LRCH3: variants seen among roughly 807,000 people sequenced by gnomAD.
LRCH3 encodes the protein DISP complex protein LRCH3.
In LRCH3, 68 loss-of-function variants were observed where a neutral mutation model predicts 104.5. The observed-to-expected ratio is 0.65, with a 90% CI of 0.54 to 0.80. The LOEUF is 0.80. Ranked by LOEUF, LRCH3 falls within the 30% of genes least tolerant of loss-of-function variation. The probability of loss-of-function intolerance (pLI) is 0.00; values close to 1 mark genes in which losing one functional copy is unlikely to be tolerated. For missense variants in LRCH3, 951 were observed against 953.9 expected, an observed-to-expected ratio of 1.00 and a Z score of 0.04; for synonymous variants, 344 against 361.3, an observed-to-expected ratio of 0.95 and a Z score of 0.54.
chr3:197,870,373 TA>T, intron 18 of LRCH3, 95 bp downstream of exon 18: 1 of 1,269,106 alleles, frequency 7.9e-7, no homozygotes, highest in Non-Finnish European at 1.1e-6. Context: ...CATTTTTATT[TA>T]TTTTTTTTTT....
intron 12 of LRCH3, among the ~76,000 whole-genome samples, chr3:197,851,230 A>C (rs1739552250): frequency 6.6e-6 from 1 of 152,230 alleles, no homozygotes; most frequent in Admixed American, 6.5e-5. Context: ...CCTTCCGTAG[A>C]AGTCACACAG....
In LRCH3 at chr3:197,881,350, A is replaced by C. The variant is rs1713750753; in HGVS notation, c.2209-2191A>C. The C allele has an allele frequency of 1.6e-5, 16 of 988,444 alleles. No homozygotes were observed. In the South Asian group the frequency reaches 5.6e-4, roughly 34 times the overall value. The allele number at this position is 988,444 out of a possible 1,614,324, so 61.2% of individuals were successfully genotyped here. A position where few individuals can be genotyped will look rare whatever the true frequency, so the allele number is the denominator to read the frequency against. On this transcript the variant is annotated intron_variant, in intron 20 of 20. Transcript: ENST00000425562. ...TAGTTTGGTCAGAATGTTCAGTTTG[A>C]AGATCACCCACATTCCCTAGACTGC...
intron 10 of LRCH3, among the ~76,000 whole-genome samples, chr3:197,845,774 G>C (rs57292521): frequency 0.16 from 23,565 of 152,002 alleles, 2,302 homozygotes; most frequent in African/African-American, 0.27. Flanking sequence ...GTGTGGTGGC[G>C]CATGCCTGTA....
At position 197,814,962 on chromosome 3, in the gene LRCH3, C is replaced by G. The variant is rs763961579; in HGVS notation, c.317C>G (p.Ser106Cys). ...EIPIEACHFV[S>C]LENLNLYQNC... is the part of the protein sequence containing the mutation. Reference sequence around the variant, plus strand: ...CCTATAGAAGCATGTCACTTTGTTTCTCTGGAAAATCTCAACTTGTACCAA... The same window carrying G: ...CCTATAGAAGCATGTCACTTTGTTTGTCTGGAAAATCTCAACTTGTACCAA... The change falls in exon 2 of 21, where the codon TCT becomes TGT. Residue 106 changes from serine to cysteine, a missense_variant. Transcript: ENST00000425562. The G allele has an allele frequency of 1.9e-6, 3 of 1,601,504 alleles. No homozygotes were observed. Among genetic ancestry groups the G allele is most frequent in the Non-Finnish European group, 2.6e-6 (3 of 1,175,048 alleles).
chr3:197,797,526 A>C (rs1731358948), intron 1 of LRCH3, among the ~76,000 whole-genome samples: 2 of 151,992 alleles, frequency 1.3e-5, no homozygotes, highest in Non-Finnish European at 2.9e-5. Context: ...ACAGAAACAG[A>C]AAAAAGATTC....
chr3:197,858,705 C>A, intron 14 of LRCH3, 129 bp from the exon 15 acceptor site: 1 of 781,032 alleles, frequency 1.3e-6, no homozygotes, highest in Non-Finnish European at 2.3e-6. Flanking sequence ...CTGTCAGTAG[C>A]TTAGTAAACC....
At chr3:197,793,205 G>A (rs1354633492) in intron 1 of LRCH3, among the ~76,000 whole-genome samples, 1 of 152,158 alleles carries the variant, frequency 6.6e-6, no homozygotes, top group Admixed American at 6.5e-5. Context: ...AAAATAAACA[G>A]AACTGTTAAA....
chr3:197,794,796 GA>G (rs1379632791), intron 1 of LRCH3, among the ~76,000 whole-genome samples: 1 of 152,160 alleles, frequency 6.6e-6, no homozygotes. Flanking sequence ...CCTGAGATCG[GA>G]AGTTCCAGAC....
chr3:197,857,324 C>T (rs991651433), intron 14 of LRCH3, among the ~76,000 whole-genome samples: 4 of 151,760 alleles, frequency 2.6e-5, no homozygotes, highest in African/African-American at 9.7e-5. Context: ...CGGGCTACCC[C>T]TCAAGCTCCT....
intron 10 of LRCH3, among the ~76,000 whole-genome samples, chr3:197,844,053 G>A (rs1738225994): frequency 6.6e-6 from 1 of 152,196 alleles, no homozygotes; most frequent in East Asian, 1.9e-4. Flanking sequence ...TAATATTTCA[G>A]TAGAAACCTG....
chr3:197,854,950 A>G lies in LRCH3; in HGVS notation c.1644+505A>G, dbSNP rs1048353255. ...CACTTTTTAAACCCAAGGAAACATT[A>G]ACTGCTGATCGTGTTGAACACTGGC... is the stretch of plus-strand genomic sequence containing the variant. On this transcript the variant is annotated intron_variant, in intron 14 of 20. Transcript: ENST00000425562. The surrounding 1 kb of genome is among the most constrained non-coding windows in gnomAD (Gnocchi z 4.5). Among the ~76,000 whole-genome samples the G allele has an allele frequency of 2.6e-5, 4 of 152,246 alleles. No individual in the cohort carries two copies. The highest frequency in any genetic ancestry group is 9.6e-5 in the African/African-American group (4 of 41,472).
chr3:197,836,365 G>C (rs921777561), intron 9 of LRCH3, among the ~76,000 whole-genome samples: 19 of 152,182 alleles, frequency 1.2e-4, no homozygotes, highest in African/African-American at 3.9e-4. Context: ...AATTGCCTTA[G>C]AAAACAAATG....
At chr3:197,797,193 G>A (rs181761086) in intron 1 of LRCH3, among the ~76,000 whole-genome samples, 123 of 152,110 alleles carry the variant, frequency 8.1e-4, no homozygotes, top group African/African-American at 2.9e-3. Context: ...GCTGGGCGTG[G>A]TGGTGCATGG....
intron 1 of LRCH3, among the ~76,000 whole-genome samples, chr3:197,812,531 A>G (rs866310622): frequency 1.7e-3 from 6 of 3,488 alleles, no homozygotes; most frequent in Non-Finnish European, 2.4e-3. Context: ...TTTTTTTTTT[A>G]GGTGGAGTCT....
intron 8 of LRCH3, among the ~76,000 whole-genome samples, chr3:197,834,371 A>G (rs1212869117): frequency 2.0e-5 from 3 of 152,248 alleles, no homozygotes; most frequent in Non-Finnish European, 4.4e-5. Flanking sequence ...TCCATAAACT[A>G]TTATAAAATA....
intron 1 of LRCH3, among the ~76,000 whole-genome samples, chr3:197,794,873 C>T (rs939343638): frequency 6.6e-6 from 1 of 151,892 alleles, no homozygotes; most frequent in Non-Finnish European, 1.5e-5. Flanking sequence ...GGTGTAATGG[C>T]GGGTGCCTGT....
Position 197,856,916 on chromosome 3 carries a change from A to G in LRCH3, c.1645-1918A>G, listed in dbSNP as rs921920553. Among the ~76,000 whole-genome samples, 3 of 152,370 alleles carry G rather than the reference A, an allele frequency of 2.0e-5. No individual in the cohort carries two copies. The highest frequency in any genetic ancestry group is 4.4e-5 in the Non-Finnish European group (3 of 68,038). On this transcript the variant is annotated intron_variant, in intron 14 of 20. Transcript: ENST00000425562. This position sits in a 1 kb window ranked among gnomAD's most constrained non-coding sequence, Gnocchi z 4.2. ...AAAAGGTCTGATGAACGATATCATA[A>G]GGTAAATGCTGAATTTGATTTAAAG...
chr3:197,817,582 A>T (rs1371369609), intron 3 of LRCH3, among the ~76,000 whole-genome samples: 1 of 151,672 alleles, frequency 6.6e-6, no homozygotes, highest in Admixed American at 6.6e-5. Flanking sequence ...GGAAAAGGTC[A>T]TTAGAATTAG....
chr3:197,830,884 G>T (rs760594615), intron 7 of LRCH3, 21 bp downstream of exon 7: 1 of 1,556,578 alleles, frequency 6.4e-7, no homozygotes, highest in Admixed American at 1.7e-5. Flanking sequence ...TTTATGTTCC[G>T]TGTGTTATAA....
Sources: allele counts gnomAD v4.1 joint callset (sites outside exome capture counted in the v4.1 genomes callset), GRCh38; gene constraint gnomAD v4.1.1; non-coding constraint Gnocchi (gnomAD v3.1); transcripts MANE v1.5; gene names NCBI Gene and HGNC (gene_info 2026-07-23, HGNC 2026-07-21).